TMEM178B: variants seen among roughly 807,000 people sequenced by gnomAD.
The protein encoded by TMEM178B is transmembrane protein 178B.
Under a neutral mutation model 31.0 loss-of-function variants are expected in TMEM178B, and 5 were observed. The ratio of observed to expected loss-of-function variants is 0.16; its 90% confidence interval spans 0.08 to 0.34. TMEM178B has a LOEUF of 0.34. Ranked by LOEUF, TMEM178B falls within the 10% of genes least tolerant of loss-of-function variation. The pLI is 1.00. For missense variants in TMEM178B, 275 were observed against 400.3 expected (o/e 0.69, Z 2.67); for synonymous variants, 164 against 164.0 (o/e 1.00, Z 0.00).
At chr7:141,213,973 G>C (rs1797090620) in intron 2 of TMEM178B, among the ~76,000 whole-genome samples, 1 of 152,192 alleles carries the variant, frequency 6.6e-6, no homozygotes, top group Non-Finnish European at 1.5e-5. Flanking sequence ...TGGGGATGGA[G>C]AGCTAATGTT....
In TMEM178B at chr7:141,207,430, C is replaced by T. The variant is rs192547608; in HGVS notation, c.383-5161C>T. Among the ~76,000 whole-genome samples the T allele has an allele frequency of 1.6e-3, 245 of 152,252 alleles. 2 individuals are homozygous for T. The highest frequency in any genetic ancestry group is 1.4e-4 in the African/African-American group (6 of 41,550). On this transcript the variant is annotated intron_variant, in intron 1 of 3. Transcript: ENST00000565468. ...TAGCATGCAAGAGTTTCGCTTTCTCCGCCTCCTCGCCAATATGATTTACTT... is the reference window on the plus strand; with the variant it reads ...TAGCATGCAAGAGTTTCGCTTTCTCTGCCTCCTCGCCAATATGATTTACTT...
chr7:141,215,839 T>TTTCTTTC lies in TMEM178B; in HGVS notation c.496+3137_496+3138insCTTTCTT, dbSNP rs1261133896. 3.2e-3 allele frequency among the ~76,000 whole-genome samples: 209 copies of TTTCTTTC among 64,732 alleles called. 1 individual carries two copies. The highest frequency in any genetic ancestry group is 6.0e-3 in the Non-Finnish European group (146 of 24,138). 42.5% of individuals were successfully genotyped at this position (64,732 alleles called of 152,430 possible). A position where few individuals can be genotyped will look rare whatever the true frequency, so the allele number is the denominator to read the frequency against. ...CTTTCTTTCTTTCTTTCTTTCTTTC[T>TTTCTTTC]TTTCTTTTCTTTTCTTTCTCTTTCT... On this transcript the variant is annotated intron_variant, in intron 2 of 3. Transcript: ENST00000565468.
At chr7:141,442,741 A>T (rs1801684964) in intron 3 of TMEM178B, among the ~76,000 whole-genome samples, 1 of 152,158 alleles carries the variant, frequency 6.6e-6, no homozygotes, top group Non-Finnish European at 1.5e-5. Flanking sequence ...TCATGCAGCC[A>T]CCTAGGCATG....
At chr7:141,336,909 TCACCACCACCAC>T (rs777224721) in intron 2 of TMEM178B, among the ~76,000 whole-genome samples, 1 of 46,718 alleles carries the variant, frequency 2.1e-5, no homozygotes, top group Non-Finnish European at 4.3e-5. Flanking sequence ...ACCACCATCA[TCACCACCACCAC>T]CACCACCACC....
At chr7:141,324,644 G>A (rs6980372) in intron 2 of TMEM178B, among the ~76,000 whole-genome samples, 21,564 of 151,410 alleles carry the variant, frequency 0.14, 2,115 homozygotes, top group African/African-American at 0.27. Flanking sequence ...GTTGCCTCCC[G>A]GTTTTGAGAA....
chr7:141,119,692 A>G (rs1303814615), intron 1 of TMEM178B, among the ~76,000 whole-genome samples: 1 of 152,094 alleles, frequency 6.6e-6, no homozygotes, highest in Non-Finnish European at 1.5e-5. Flanking sequence ...TAGGGAGGGT[A>G]AGGGTGAGAT....
chr7:141,305,508 A>T (rs1160700632), intron 2 of TMEM178B, among the ~76,000 whole-genome samples: 1 of 150,644 alleles, frequency 6.6e-6, no homozygotes, highest in Non-Finnish European at 1.5e-5. Context: ...GCTCACTTCA[A>T]CCCCCGCCTC....
chr7:141,492,457 C>T, the TMEM178B span, among the ~76,000 whole-genome samples: 3 of 152,190 alleles, frequency 2.0e-5, no homozygotes, highest in Non-Finnish European at 4.4e-5. Context: ...AGGGCAGGGA[C>T]TCTGTCTTTA....
chr7:141,215,357 A>G (rs1409322481), intron 2 of TMEM178B, among the ~76,000 whole-genome samples: 1 of 101,934 alleles, frequency 9.8e-6, no homozygotes. Context: ...ATGGAGTCTC[A>G]CTCTGTTGCC....
At chr7:141,365,236 G>T (rs1177282127) in intron 2 of TMEM178B, among the ~76,000 whole-genome samples, 3 of 152,212 alleles carry the variant, frequency 2.0e-5, no homozygotes, top group African/African-American at 7.2e-5. Flanking sequence ...TAGACGTTCT[G>T]GGTTCAAACT....
At chr7:141,207,852 T>G (rs1195742542) in intron 1 of TMEM178B, among the ~76,000 whole-genome samples, 1 of 152,048 alleles carries the variant, frequency 6.6e-6, no homozygotes, top group African/African-American at 2.4e-5. Context: ...AGCACAGGAA[T>G]CTGAGACCAG....
At chr7:141,452,169 G>C (rs978555820) in intron 3 of TMEM178B, among the ~76,000 whole-genome samples, 1 of 152,178 alleles carries the variant, frequency 6.6e-6, no homozygotes, top group South Asian at 2.1e-4. Context: ...CTGCACAAAT[G>C]AATCTGGAAC....
chr7:141,496,625 C>T, the TMEM178B span, among the ~76,000 whole-genome samples: 16 of 140,968 alleles, frequency 1.1e-4, no homozygotes, highest in Non-Finnish European at 2.3e-4. Context: ...AGCCGAGATC[C>T]CGCCACTGCA....
At chr7:141,193,526 C>T (rs2129185229) in intron 1 of TMEM178B, among the ~76,000 whole-genome samples, 1 of 152,352 alleles carries the variant, frequency 6.6e-6, no homozygotes, top group East Asian at 1.9e-4. Context: ...CACTTGCCAT[C>T]TCTTAGCTCT....
At chr7:141,393,589 C>A (rs970046814) in intron 2 of TMEM178B, among the ~76,000 whole-genome samples, 4 of 152,148 alleles carry the variant, frequency 2.6e-5, no homozygotes, top group African/African-American at 9.7e-5. Flanking sequence ...CCATCCCCTC[C>A]CATGACTTAG....
chr7:141,208,329 C>A (rs1263467922), intron 1 of TMEM178B, among the ~76,000 whole-genome samples: 1 of 152,156 alleles, frequency 6.6e-6, no homozygotes, highest in Admixed American at 6.5e-5. Flanking sequence ...GGCTGGGATG[C>A]AGGAGTTTGG....
chr7:141,163,663 C>T (rs190072842), intron 1 of TMEM178B, among the ~76,000 whole-genome samples: 64 of 151,904 alleles, frequency 4.2e-4, no homozygotes, highest in Admixed American at 1.0e-3. Context: ...TACAGGTGAG[C>T]GCCATCAAGC....
At chr7:141,225,805 T>C (rs112627549) in intron 2 of TMEM178B, among the ~76,000 whole-genome samples, 3,376 of 152,246 alleles carry the variant, frequency 0.022, 133 homozygotes, top group African/African-American at 0.077. Flanking sequence ...AAGATCGATG[T>C]TTGCCCCTTG....
intron 2 of TMEM178B, among the ~76,000 whole-genome samples, chr7:141,349,962 T>A (rs1289448366): frequency 3.6e-5 from 4 of 112,316 alleles, no homozygotes; most frequent in African/African-American, 1.3e-4. Context: ...CATGCATCCA[T>A]CCATCCATCC....
Sources: gnomAD v4.1 joint callset for allele counts (sites outside exome capture counted in the v4.1 genomes callset) on GRCh38, gnomAD v4.1.1 for gene constraint, MANE v1.5 for transcripts, NCBI Gene and HGNC (gene_info 2026-07-23, HGNC 2026-07-21) for gene names.